The following PIK3CG variants were observed in gnomAD, a reference collection of about 807,000 sequenced individuals.
The protein encoded by PIK3CG is phosphatidylinositol-4,5-bisphosphate 3-kinase catalytic subunit gamma.
Under a neutral mutation model 102.3 loss-of-function variants are expected in PIK3CG, and 55 were observed. That is an observed-to-expected ratio of 0.54 (90% confidence interval 0.43 to 0.67). The LOEUF is 0.67. Ranked by LOEUF, PIK3CG falls within the 30% of genes least tolerant of loss-of-function variation. The pLI is 0.00. For synonymous variants in PIK3CG, 552 were observed against 540.0 expected (o/e 1.02, Z -0.31); for missense variants, 1,258 against 1,391.8 (o/e 0.90, Z 1.53).
In PIK3CG at chr7:106,868,273, G is replaced by A. The variant is rs149432307; in HGVS notation, c.712G>A (p.Asp238Asn). The A allele has an allele frequency of 1.1e-4, 180 of 1,613,792 alleles. No individual in the cohort carries two copies. Among genetic ancestry groups the A allele is most frequent in the Non-Finnish European group, 1.5e-4 (174 of 1,180,054 alleles). ...CAGCCAGACCATTAAGGTCTCACCC[G>A]ACGACACCCCCGGCGCCATCCTGCA... ...TTSQTIKVSP[D>N]DTPGAILQSF... Residue 238 changes from aspartate (D) to asparagine (N), a missense_variant, in exon 2 of 11, where the codon GAC becomes AAC. Asp to Asn is a conservative substitution (Grantham distance 23). Coordinates refer to ENST00000496166, the MANE Select transcript of PIK3CG (RefSeq NM_001282426.2). This position sits in a 1 kb window ranked among gnomAD's most constrained non-coding sequence, Gnocchi z 6.2.
chr7:106,880,199 A>G lies in PIK3CG; in HGVS notation c.2538+534A>G, dbSNP rs548815388. ...AATGGTCAATATATCAGTGCTAATT[A>G]TTTTCATATTTTCTAACATTTCTAG... On this transcript the variant is annotated intron_variant, in intron 6 of 10. Transcript: ENST00000496166. This position sits in a 1 kb window ranked among gnomAD's most constrained non-coding sequence, Gnocchi z 4.2. Among the ~76,000 whole-genome samples the G allele has an allele frequency of 6.6e-6, 1 of 152,320 alleles. No homozygotes were observed. Among genetic ancestry groups the G allele is most frequent in the African/African-American group, 2.4e-5 (1 of 41,580 alleles).
Position 106,894,244 on chromosome 7 carries a change from T to TCA in PIK3CG, c.3030+7967_3030+7968dup, listed in dbSNP as rs550281126. Among the ~76,000 whole-genome samples the TCA allele has an allele frequency of 3.3e-3, 506 of 151,174 alleles. No individual in the cohort carries two copies. The highest frequency in any genetic ancestry group is 0.017 in the Middle Eastern group (5 of 292). On this transcript the variant is annotated intron_variant, in intron 10 of 10. Coordinates refer to ENST00000496166, the MANE Select transcript of PIK3CG (RefSeq NM_001282426.2). The surrounding 1 kb of genome is among the most constrained non-coding windows in gnomAD (Gnocchi z 4.4). ...TTTTGGAACAAGGCTGAAGGATAAA[T>TCA]CACACACACACACACAGACACACAC...
rs2116460209 is a variant in PIK3CG at position 106,869,198 on chromosome 7, A to G, written c.1637A>G (p.Glu546Gly). Residue 546 changes from glutamate to glycine, a missense_variant, in exon 2 of 11, where the codon GAA (glutamate) becomes GGA (glycine). Coordinates refer to ENST00000496166, the MANE Select transcript of PIK3CG (RefSeq NM_001282426.2). The surrounding 1 kb of genome is among the most constrained non-coding windows in gnomAD (Gnocchi z 5.3). ...PDPEGDRVRA[E>G]MPNQLRKQLE... is the part of the protein sequence containing the mutation. ...CCGGAAGGGGACCGGGTTCGAGCAG[A>G]AATGCCCAACCAGCTTCGCAAGCAA... is the stretch of plus-strand genomic sequence containing the variant. The G allele has an allele frequency of 6.2e-7, 1 of 1,614,238 alleles. No individual in the cohort carries two copies.
rs1790901551 is a variant in PIK3CG at position 106,880,510 on chromosome 7, A to C, written c.2538+845A>C. ...TGTCCAGGAGGTATTTTAGAAAAGA[A>C]AAAGAGAAATCCTTCAAACTTTTTG... is the stretch of plus-strand genomic sequence containing the variant. On this transcript the variant is annotated intron_variant, in intron 6 of 10. Coordinates refer to ENST00000496166, the MANE Select transcript of PIK3CG (RefSeq NM_001282426.2). The surrounding 1 kb of genome is among the most constrained non-coding windows in gnomAD (Gnocchi z 4.2). 6.6e-6 allele frequency among the ~76,000 whole-genome samples: 1 copy of C among 152,218 alleles called. No individual in the cohort carries two copies. Among genetic ancestry groups the C allele is most frequent in the Non-Finnish European group, 1.5e-5 (1 of 68,046 alleles).
Position 106,908,428 on chromosome 7 carries a change from G to C in PIK3CG, c.*3041G>C, listed in dbSNP as rs908590817. Among the ~76,000 whole-genome samples, 1 of 152,114 alleles carries C rather than the reference G, an allele frequency of 6.6e-6. No individual in the cohort carries two copies. Among genetic ancestry groups the C allele is most frequent in the Non-Finnish European group, 1.5e-5 (1 of 68,026 alleles). ...AATACCTCATCTCTATGGCTCTATG[G>C]CTGTACATTAGGACCTAGAACAGTG... On this transcript the variant is annotated 3_prime_UTR_variant, in exon 11 of 11. Coordinates refer to ENST00000496166, the MANE Select transcript of PIK3CG (RefSeq NM_001282426.2). This position sits in a 1 kb window ranked among gnomAD's most constrained non-coding sequence, Gnocchi z 4.1.
Position 106,868,987 on chromosome 7 carries a change from C to T in PIK3CG, c.1426C>T (p.Arg476Cys), listed in dbSNP as rs567756361. 10 of 1,614,136 alleles carry T rather than the reference C, an allele frequency of 6.2e-6. No individual in the cohort carries two copies. Among genetic ancestry groups the T allele is most frequent in the African/African-American group, 2.7e-5 (2 of 75,036 alleles). Residue 476 changes from arginine to cysteine, a missense_variant, in exon 2 of 11, where the codon CGC becomes TGC. Physicochemically the swap from Arg to Cys is radical, Grantham distance 180. Coordinates refer to ENST00000496166, the MANE Select transcript of PIK3CG (RefSeq NM_001282426.2). This position sits in a 1 kb window ranked among gnomAD's most constrained non-coding sequence, Gnocchi z 6.2. ...LLLIDHRFLL[R>C]RGEYVLHMWQ... ...GCTGATAGACCACCGTTTCCTCCTG[C>T]GCCGTGGAGAATACGTCCTCCACAT...
In PIK3CG at chr7:106,896,451, T is replaced by C. The variant is rs183247694; in HGVS notation, c.3031-8658T>C. On this transcript the variant is annotated intron_variant, in intron 10 of 10. Coordinates refer to ENST00000496166, the MANE Select transcript of PIK3CG (RefSeq NM_001282426.2). Reference sequence around the variant, plus strand: ...GTCCCCATCTATGTCCTTGTGAAAATTGTGCAAGTTGGCAAATTAATGAGG... The same window carrying C: ...GTCCCCATCTATGTCCTTGTGAAAACTGTGCAAGTTGGCAAATTAATGAGG... Among the ~76,000 whole-genome samples, 378 of 152,250 alleles carry C rather than the reference T, an allele frequency of 2.5e-3. 4 individuals carry two copies. Among genetic ancestry groups the C allele is most frequent in the African/African-American group, 8.4e-3 (350 of 41,540 alleles).
At chr7:106,900,688 C>T (rs1157047499) in intron 10 of PIK3CG, among the ~76,000 whole-genome samples, 1 of 152,188 alleles carries the variant, frequency 6.6e-6, no homozygotes, top group African/African-American at 2.4e-5. Context: ...TTTGTATTAG[C>T]TGATAGCAGT....
chr7:106,901,391 G>T (rs1354779462), intron 10 of PIK3CG, among the ~76,000 whole-genome samples: 1 of 151,974 alleles, frequency 6.6e-6, no homozygotes, highest in Non-Finnish European at 1.5e-5. Flanking sequence ...CTTATATTGT[G>T]TTATTCAGCT....
chr7:106,900,941 G>A (rs1791533677), intron 10 of PIK3CG, among the ~76,000 whole-genome samples: 1 of 152,098 alleles, frequency 6.6e-6, no homozygotes, highest in Non-Finnish European at 1.5e-5. Context: ...TAGCCTGATG[G>A]GGTTCCCTTG....
chr7:106,876,210 G>A (rs1374019377), intron 5 of PIK3CG, among the ~76,000 whole-genome samples: 9 of 152,014 alleles, frequency 5.9e-5, no homozygotes, highest in Middle Eastern at 3.4e-3. Flanking sequence ...CACCGCGCCC[G>A]GCCTATCATC....
Position 106,883,683 on chromosome 7 carries a change from T to C in PIK3CG, c.2761-472T>C, listed in dbSNP as rs1201914429. On this transcript the variant is annotated intron_variant, in intron 8 of 10. Coordinates refer to ENST00000496166, the MANE Select transcript of PIK3CG (RefSeq NM_001282426.2). This position sits in a 1 kb window ranked among gnomAD's most constrained non-coding sequence, Gnocchi z 5.8. ...TAGCTGTTTGGCTGTCGTTTAAAGT[T>C]CTGCTGCACAGGATTAGCACTTCTC... Among the ~76,000 whole-genome samples the C allele has an allele frequency of 1.3e-5, 2 of 152,214 alleles. No individual in the cohort carries two copies. Among genetic ancestry groups the C allele is most frequent in the Admixed American group, 1.3e-4 (2 of 15,288 alleles).
chr7:106,884,137 CAA>C lies in PIK3CG; in HGVS notation c.2761-16_2761-15del, dbSNP rs1791018424. The stretch of plus-strand genomic sequence containing the variant: ...TTGTAGTTAGAAGACAACTAATATT[CAA>C]ATGCATTTTAATTAGTTTCAGGCAG... On this transcript the variant is annotated splice_polypyrimidine_tract_variant and intron_variant, in intron 8 of 10. Transcript: ENST00000496166. The surrounding 1 kb of genome is among the most constrained non-coding windows in gnomAD (Gnocchi z 4.2). 2.0e-6 allele frequency: 3 copies of C among 1,525,228 alleles called. No individual in the cohort carries two copies. The highest frequency in any genetic ancestry group is 1.4e-5 in the African/African-American group (1 of 73,104). 94.5% of individuals were successfully genotyped at this position (1,525,228 alleles called of 1,614,324 possible). A position where few individuals can be genotyped will look rare whatever the true frequency, so the allele number is the denominator to read the frequency against.
In PIK3CG at chr7:106,883,024, C is replaced by G. The variant is rs1790989393; in HGVS notation, c.2630-9C>G. On this transcript the variant is annotated splice_polypyrimidine_tract_variant and intron_variant, in intron 7 of 10. Transcript: ENST00000496166. The surrounding 1 kb of genome is among the most constrained non-coding windows in gnomAD (Gnocchi z 5.8). ...CAATCTCCATCAGACTCTGTGCATCCTTCTGTAGGAATGATCGAGATTGTG... is the reference window on the plus strand; with the variant it reads ...CAATCTCCATCAGACTCTGTGCATCGTTCTGTAGGAATGATCGAGATTGTG... The G allele has an allele frequency of 6.2e-7, 1 of 1,613,588 alleles. No homozygotes were observed. The highest frequency in any genetic ancestry group is 2.2e-5 in the East Asian group (1 of 44,836).
At position 106,899,972 on chromosome 7, in the gene PIK3CG, T is replaced by G. The variant is rs1791501064; in HGVS notation, c.3031-5137T>G. Reference sequence around the variant, plus strand: ...CATCTGGTAGAATTCAGCTGTGAATTGATCAGGTCTTGGGCTTTTTTTTGG... The same window carrying G: ...CATCTGGTAGAATTCAGCTGTGAATGGATCAGGTCTTGGGCTTTTTTTTGG... On this transcript the variant is annotated intron_variant, in intron 10 of 10. Coordinates refer to ENST00000496166, the MANE Select transcript of PIK3CG (RefSeq NM_001282426.2). This position sits in a 1 kb window ranked among gnomAD's most constrained non-coding sequence, Gnocchi z 4.6. Among the ~76,000 whole-genome samples, 4 of 152,122 alleles carry G rather than the reference T, an allele frequency of 2.6e-5. No homozygotes were observed. Among genetic ancestry groups the G allele is most frequent in the African/African-American group, 9.7e-5 (4 of 41,434 alleles).
chr7:106,895,454 G>T lies in PIK3CG; in HGVS notation c.3030+9162G>T, dbSNP rs952590576. Among the ~76,000 whole-genome samples, 1 of 152,212 alleles carries T rather than the reference G, an allele frequency of 6.6e-6. No individual in the cohort carries two copies. Among genetic ancestry groups the T allele is most frequent in the Non-Finnish European group, 1.5e-5 (1 of 68,040 alleles). ...AAATGAAACTTCTGGGACTGAGCGGGCAGGGCAGGTGCTCGGCTGTGCCCC... is the reference window on the plus strand; with the variant it reads ...AAATGAAACTTCTGGGACTGAGCGGTCAGGGCAGGTGCTCGGCTGTGCCCC... On this transcript the variant is annotated intron_variant, in intron 10 of 10. Transcript: ENST00000496166. This position sits in a 1 kb window ranked among gnomAD's most constrained non-coding sequence, Gnocchi z 5.4.
rs907639223 is a variant in PIK3CG at position 106,868,672 on chromosome 7, C to A, written c.1111C>A (p.Pro371Thr). The A allele has an allele frequency of 3.1e-6, 5 of 1,614,116 alleles. No homozygotes were observed. Among genetic ancestry groups the A allele is most frequent in the Non-Finnish European group, 4.2e-6 (5 of 1,180,058 alleles). Residue 371 changes from proline (P) to threonine (T), a missense_variant, in exon 2 of 11, where the codon CCC (proline) becomes ACC (threonine). Around this residue, in one of 2 missense-constraint regions of PIK3CG, gnomAD observed 832 missense variants for 787.5 expected, o/e 1.06. Transcript: ENST00000496166. The surrounding 1 kb of genome is among the most constrained non-coding windows in gnomAD (Gnocchi z 6.2). ...FRVKIRGIDI[P>T]VLPRNTDLTV... ...GGTCAAGATCAGAGGCATTGATATCCCCGTCCTGCCTCGGAACACCGACCT... is the reference window on the plus strand; with the variant it reads ...GGTCAAGATCAGAGGCATTGATATCACCGTCCTGCCTCGGAACACCGACCT...
Position 106,872,745 on chromosome 7 carries a change from CT to C in PIK3CG, c.2096del (p.Leu699Ter), listed in dbSNP as rs771169807. 1.2e-6 allele frequency: 2 copies of C among 1,613,988 alleles called. No homozygotes were observed. Among genetic ancestry groups the C allele is most frequent in the South Asian group, 2.2e-5 (2 of 91,064 alleles). ...GAATTGGTCACTTTTTGTTTTGGTTCTTGAGAAGTGAGATAGCCCAGTCCAG... is the reference window on the plus strand; with the variant it reads ...GAATTGGTCACTTTTTGTTTTGGTTCTGAGAAGTGAGATAGCCCAGTCCAG... ...KRIGHFLFWF[L>X]RSEIAQSRHY... is the part of the protein sequence containing the mutation. On this transcript the variant is annotated frameshift_variant, in exon 4 of 11. Transcript: ENST00000496166. LOFTEE classifies it high-confidence loss of function. The surrounding 1 kb of genome is among the most constrained non-coding windows in gnomAD (Gnocchi z 5.3).
At chr7:106,887,810 T>A (rs1439150780) in intron 10 of PIK3CG, among the ~76,000 whole-genome samples, 1 of 152,102 alleles carries the variant, frequency 6.6e-6, no homozygotes, top group Non-Finnish European at 1.5e-5. Flanking sequence ...AAAACACTCA[T>A]GTCTTCTCTC....
Sources: allele counts gnomAD v4.1 joint callset (sites outside exome capture counted in the v4.1 genomes callset), GRCh38; gene constraint gnomAD v4.1.1; regional missense constraint gnomAD v4.1.1; non-coding constraint Gnocchi (gnomAD v3.1); transcripts MANE v1.5; gene names NCBI Gene and HGNC (gene_info 2026-07-23, HGNC 2026-07-21).